The following CHAT variants were observed in gnomAD, a reference collection of about 807,000 sequenced individuals.
CHAT encodes choline O-acetyltransferase.
In CHAT, 61 loss-of-function variants were observed where a neutral mutation model predicts 76.9. The ratio of observed to expected loss-of-function variants is 0.79; its 90% CI spans 0.65 to 0.98. CHAT has a LOEUF of 0.98. Among genes scored for constraint, CHAT ranks in the 50% least tolerant of loss-of-function variants. The pLI, the probability that CHAT is intolerant of heterozygous loss-of-function variation, is 0.00. For synonymous variants in CHAT, 407 were observed against 397.4 expected, an observed-to-expected ratio of 1.02 and a Z score of -0.29; for missense variants, 946 against 986.9, an observed-to-expected ratio of 0.96 and a Z score of 0.56.
rs919332378 is a variant in CHAT at position 49,667,298 on chromosome 10, G to A, written c.*2252G>A. On this transcript the variant is annotated 3_prime_UTR_variant, in exon 15 of 15. Coordinates refer to ENST00000337653, the MANE Select transcript of CHAT (RefSeq NM_020549.5). ...GGGAGGCTTCATGGGGCCTACCTTT[G>A]GGATGACATTACCCCAGTGGGCATT... Among the ~76,000 whole-genome samples, 5 of 152,130 alleles carry A rather than the reference G, an allele frequency of 3.3e-5. No individual in the cohort carries two copies. Among genetic ancestry groups the A allele is most frequent in the Admixed American group, 6.5e-5 (1 of 15,268 alleles).
intron 5 of CHAT, 144 bp downstream of exon 5, chr10:49,622,294 C>T: frequency 1.1e-6 from 1 of 871,782 alleles, no homozygotes; most frequent in South Asian, 1.3e-5. Context: ...AACCCACTCC[C>T]CCACCATCAG....
At chr10:49,612,518 T>G, upstream of CHAT, 1 of 634,338 alleles carries the variant, frequency 1.6e-6, no homozygotes, top group Non-Finnish European at 2.7e-6. Flanking sequence ...CTTTCTCTCT[T>G]GTCCAATGGG....
Position 49,666,279 on chromosome 10 carries a change from CCCAGCT to C in CHAT, c.*1245_*1250del, listed in dbSNP as rs1590632308. 1.3e-5 allele frequency among the ~76,000 whole-genome samples: 2 copies of C among 151,062 alleles called. No individual in the cohort carries two copies. Among genetic ancestry groups the C allele is most frequent in the Non-Finnish European group, 2.9e-5 (2 of 67,980 alleles). ...CTCCAGCCCCAGCTCCAGCTCCAGCCCCAGCTCCAGCTCCAGCATGGGCAGGACAGG... is the reference window on the plus strand; with the variant it reads ...CTCCAGCCCCAGCTCCAGCTCCAGCCCCAGCTCCAGCATGGGCAGGACAGG... On this transcript the variant is annotated 3_prime_UTR_variant, in exon 15 of 15. Transcript: ENST00000337653.
intron 5 of CHAT, among the ~76,000 whole-genome samples, chr10:49,625,179 C>T (rs375231728): frequency 5.3e-5 from 8 of 152,080 alleles, no homozygotes; most frequent in Admixed American, 2.6e-4. Context: ...GGCAAAGGCA[C>T]GCCGAGAGAA....
At chr10:49,653,358 A>T (rs916955967) in intron 11 of CHAT, among the ~76,000 whole-genome samples, 1 of 152,182 alleles carries the variant, frequency 6.6e-6, no homozygotes, top group Admixed American at 6.5e-5. Context: ...CCAGCTCCTG[A>T]CAGTTCCAGG....
At chr10:49,615,916 C>T (rs948479961) in intron 1 of CHAT, 1 of 935,998 alleles carries the variant, frequency 1.1e-6, no homozygotes, top group African/African-American at 1.6e-5. Flanking sequence ...GTCTCCCTGC[C>T]CTGGCCACAG....
intron 6 of CHAT, among the ~76,000 whole-genome samples, chr10:49,626,563 C>A (rs1479910416): frequency 6.6e-6 from 1 of 152,130 alleles, no homozygotes; most frequent in Non-Finnish European, 1.5e-5. Context: ...CATCTAGGAG[C>A]TCTCGCAGCC....
Position 49,620,603 on chromosome 10 carries a change from G to A in CHAT, c.688G>A (p.Asp230Asn). 6.2e-7 allele frequency: 1 copy of A among 1,612,570 alleles called. No homozygotes were observed. Among genetic ancestry groups the A allele is most frequent in the South Asian group, 1.1e-5 (1 of 91,002 alleles). The change falls in exon 4 of 15, where the codon GAC (aspartate) becomes AAC (asparagine). Residue 230 changes from aspartate to asparagine, a missense_variant. By Grantham distance (23) the Asp-to-Asn change is conservative (BLOSUM62 1). Around this residue, in one of 3 missense-constraint regions of CHAT, gnomAD observed 548 missense variants for 516.2 expected, o/e 1.06. Coordinates refer to ENST00000337653, the MANE Select transcript of CHAT (RefSeq NM_020549.5). ...TCGGCAGCACTTCCCTGGCACCGAT[G>A]ACCAGCTGAGGTGAGGCCTTGGTGC... ...FARQHFPGTD[D>N]QLRFAASLIS...
intron 5 of CHAT, among the ~76,000 whole-genome samples, chr10:49,625,225 C>T (rs932949956): frequency 2.0e-5 from 3 of 152,286 alleles, no homozygotes; most frequent in African/African-American, 7.2e-5. Context: ...GGCTAACTGG[C>T]AGGCTTTGCA....
intron 5 of CHAT, among the ~76,000 whole-genome samples, chr10:49,622,524 C>G (rs1222884225): frequency 6.6e-6 from 1 of 152,214 alleles, no homozygotes; most frequent in Non-Finnish European, 1.5e-5. Flanking sequence ...GGAATGGTGT[C>G]TCCAGCGGGA....
Position 49,662,881 on chromosome 10 carries a change from G to A in CHAT, c.1977+99G>A, listed in dbSNP as rs569899445. 8.9e-5 allele frequency: 129 copies of A among 1,441,568 alleles called. 2 individuals are homozygous for A. In the South Asian group the frequency reaches 1.3e-3, roughly 15 times the overall value. 89.3% of individuals were successfully genotyped at this position (1,441,568 alleles called of 1,614,324 possible). A position where few individuals can be genotyped will look rare whatever the true frequency, so the allele number is the denominator to read the frequency against. On this transcript the variant is annotated intron_variant, in intron 14 of 14. Transcript: ENST00000337653. ...CACTAGCTGGAATCAGGCAAATCCT[G>A]CCTCTGCTTTTTCTGAACTATGTGA...
At chr10:49,627,885 C>A in intron 7 of CHAT, 100 bp downstream of exon 7, 1 of 1,387,124 alleles carries the variant, frequency 7.2e-7, no homozygotes, top group Non-Finnish European at 9.9e-7. Flanking sequence ...CCCCATCAGC[C>A]ATAGTGTGGG....
Position 49,623,358 on chromosome 10 carries a change from G to A in CHAT, c.752+1208G>A, listed in dbSNP as rs143950531. On this transcript the variant is annotated intron_variant, in intron 5 of 14. Coordinates refer to ENST00000337653, the MANE Select transcript of CHAT (RefSeq NM_020549.5). The stretch of plus-strand genomic sequence containing the variant: ...GACACGAATACCCATGCATATCCAC[G>A]TGGAGGTTCCCATGTCCAATGATTG... 3.9e-5 allele frequency among the ~76,000 whole-genome samples: 6 copies of A among 152,214 alleles called. No homozygotes were observed. The South Asian group carries it at 8.3e-4, about 21-fold the overall frequency.
rs1362361261 is a variant in CHAT at position 49,665,788 on chromosome 10, G to A, written c.*742G>A. Among the ~76,000 whole-genome samples the A allele has an allele frequency of 2.0e-5, 3 of 152,124 alleles. No homozygotes were observed. The highest frequency in any genetic ancestry group is 4.4e-5 in the Non-Finnish European group (3 of 68,028). The stretch of plus-strand genomic sequence containing the variant: ...GTTGCTGCCACTCTCTGCTTAGCAG[G>A]CGGCATCAGGGCCAGTCCAAGATGA... On this transcript the variant is annotated 3_prime_UTR_variant, in exon 15 of 15. Transcript: ENST00000337653.
intron 7 of CHAT, among the ~76,000 whole-genome samples, chr10:49,641,176 G>A (rs1839468868): frequency 6.6e-6 from 1 of 152,210 alleles, no homozygotes; most frequent in Non-Finnish European, 1.5e-5. Context: ...ATTGGATTAA[G>A]ACCTTATTTA....
At chr10:49,611,490 C>A (rs760173383), upstream of CHAT, 2 of 1,600,076 alleles carry the variant, frequency 1.2e-6, no homozygotes, top group East Asian at 2.2e-5. Context: ...TGCTAGCTGC[C>A]GTGTCGCTCT....
chr10:49,644,776 C>T (rs959696735), intron 7 of CHAT, among the ~76,000 whole-genome samples: 2 of 152,190 alleles, frequency 1.3e-5, no homozygotes, highest in Non-Finnish European at 2.9e-5. Flanking sequence ...TGTGGACACT[C>T]CTTGTGAACC....
At chr10:49,627,157 T>C (rs2132733244) in intron 6 of CHAT, among the ~76,000 whole-genome samples, 1 of 152,348 alleles carries the variant, frequency 6.6e-6, no homozygotes, top group East Asian at 1.9e-4. Context: ...TTGCTACCAT[T>C]TTGCTGTTGC....
chr10:49,617,937 G>T (rs1338936621), intron 2 of CHAT, among the ~76,000 whole-genome samples: 2 of 152,198 alleles, frequency 1.3e-5, no homozygotes, highest in Non-Finnish European at 2.9e-5. Context: ...GATCAGACAG[G>T]CAGAGGGCCG....
Sources: gnomAD v4.1 joint callset for allele counts (sites outside exome capture counted in the v4.1 genomes callset) on GRCh38, gnomAD v4.1.1 for gene constraint, gnomAD v4.1.1 regional missense constraint, MANE v1.5 for transcripts, NCBI Gene and HGNC (gene_info 2026-07-23, HGNC 2026-07-21) for gene names.